C4orf50: variants seen among roughly 807,000 people sequenced by gnomAD.
C4orf50 encodes uncharacterized protein C4orf50.
In C4orf50, 80 loss-of-function variants were observed where a neutral mutation model predicts 77.2. The ratio of observed to expected loss-of-function variants is 1.04; its 90% CI spans 0.87 to 1.25. C4orf50 has a LOEUF of 1.25. Among genes scored for constraint, C4orf50 ranks in the 50% most tolerant of loss-of-function variants. The pLI, the probability that C4orf50 is intolerant of heterozygous loss-of-function variation, is 0.00. For missense variants in C4orf50, 1,257 were observed against 1,152.9 expected, an observed-to-expected ratio of 1.09 and a Z score of -1.31; for synonymous variants, 532 against 465.3, an observed-to-expected ratio of 1.14 and a Z score of -1.84.
intron 7 of C4orf50, among the ~76,000 whole-genome samples, chr4:5,951,204 C>G (rs769925487): frequency 1.9e-4 from 29 of 152,228 alleles, no homozygotes; most frequent in Non-Finnish European, 4.3e-4. Flanking sequence ...TGAGCGTCCT[C>G]TTTACAAACT....
Position 6,011,951 on chromosome 4 carries a change from A to C in C4orf50, c.305T>G (p.Leu102Arg). The C allele has an allele frequency of 2.5e-6, 1 of 399,060 alleles. No homozygotes were observed. Among genetic ancestry groups the C allele is most frequent in the East Asian group, 3.6e-5 (1 of 28,068 alleles). 24.7% of individuals were successfully genotyped at this position (399,060 alleles called of 1,614,324 possible). ...CTTCCGGAGGAGTTTCCTTTCTGAC[A>C]GCTCCAGCTCCTGAATTCTGCAGCA... Residue 102 changes from leucine (L) to arginine (R), a missense_variant, in exon 24 of 34, where the codon CTG becomes CGG. Physicochemically the swap from Leu to Arg is moderately radical, Grantham distance 102. Coordinates refer to ENST00000531445, the Ensembl canonical transcript of C4orf50. The surrounding 1 kb of genome is among the most constrained non-coding windows in gnomAD (Gnocchi z 4.2).
intron 7 of C4orf50, among the ~76,000 whole-genome samples, chr4:5,928,855 T>C (rs1054792066): frequency 6.6e-6 from 1 of 152,188 alleles, no homozygotes; most frequent in African/African-American, 2.4e-5. Flanking sequence ...AAACAAAAAA[T>C]AAGTCAACCT....
chr4:5,948,211 CAATT>C (rs1718562947), intron 7 of C4orf50, among the ~76,000 whole-genome samples: 1 of 152,204 alleles, frequency 6.6e-6, no homozygotes, highest in Non-Finnish European at 1.5e-5. Context: ...TGCGAAAATT[CAATT>C]AACTGAGGAA....
chr4:5,952,603 A>G (rs1718779411), downstream of C4orf50, among the ~76,000 whole-genome samples: 1 of 152,148 alleles, frequency 6.6e-6, no homozygotes, highest in Admixed American at 6.5e-5. The surrounding 1 kb of genome is among the most constrained non-coding windows in gnomAD (Gnocchi z 4.4). Context: ...CCCTTCCCTC[A>G]CCACTTCCCG....
chr4:5,942,583 T>C (rs1297996295), intron 7 of C4orf50, among the ~76,000 whole-genome samples: 1 of 152,246 alleles, frequency 6.6e-6, no homozygotes, highest in East Asian at 1.9e-4. Context: ...TAGTGAAAAC[T>C]TGCTCTATGC....
At chr4:5,924,455 C>T (rs1019401605) in intron 7 of C4orf50, among the ~76,000 whole-genome samples, 7 of 152,146 alleles carry the variant, frequency 4.6e-5, no homozygotes, top group African/African-American at 4.8e-5. Context: ...CCCAGCCTGC[C>T]CCACACCCAG....
chr4:6,016,012 G>C (rs552998102), intron 23 of C4orf50, among the ~76,000 whole-genome samples: 1 of 152,316 alleles, frequency 6.6e-6, no homozygotes, highest in East Asian at 1.9e-4. Flanking sequence ...CTTGCACCCT[G>C]AGCTGCCGGG....
chr4:5,972,533 G>A (rs1391027648), intron 31 of C4orf50, among the ~76,000 whole-genome samples: 12 of 152,208 alleles, frequency 7.9e-5, no homozygotes, highest in Admixed American at 7.9e-4. Context: ...CATGCCTCTT[G>A]GCCTCCAAGC....
At chr4:6,014,283 C>T (rs771915354) in intron 23 of C4orf50, among the ~76,000 whole-genome samples, 3 of 152,020 alleles carry the variant, frequency 2.0e-5, no homozygotes, top group African/African-American at 4.8e-5. Flanking sequence ...ATTACAGACG[C>T]GAGCAACCGG....
chr4:5,994,334 G>A lies in C4orf50; in HGVS notation c.1093+13C>T, dbSNP rs905727453. ...CCGCGACTCGTCCTCCACGCACCGC[G>A]GTACCCGCGCACCTGCTGGGGCCCT... is the stretch of plus-strand genomic sequence containing the variant. On this transcript the variant is annotated intron_variant, in intron 26 of 33. Coordinates refer to ENST00000531445, the Ensembl canonical transcript of C4orf50. 3 of 399,214 alleles carry A rather than the reference G, an allele frequency of 7.5e-6. No individual in the cohort carries two copies. The highest frequency in any genetic ancestry group is 6.3e-4 in the Middle Eastern group (1 of 1,588). 24.7% of individuals were successfully genotyped at this position (399,214 alleles called of 1,614,324 possible). A position where few individuals can be genotyped will look rare whatever the true frequency, so the allele number is the denominator to read the frequency against.
At chr4:5,931,102 A>G (rs756271603) in intron 7 of C4orf50, among the ~76,000 whole-genome samples, 14 of 152,184 alleles carry the variant, frequency 9.2e-5, no homozygotes, top group Admixed American at 2.6e-4. Flanking sequence ...CCTGCAGGTC[A>G]CTGGAATCCA....
chr4:5,979,070 T>C (rs1379661633), intron 29 of C4orf50, among the ~76,000 whole-genome samples: 1 of 152,246 alleles, frequency 6.6e-6, no homozygotes, highest in Non-Finnish European at 1.5e-5. Flanking sequence ...TAACGAGTTA[T>C]GGGCAAATGA....
At chr4:5,913,482 T>C (rs558012169) in intron 7 of C4orf50, among the ~76,000 whole-genome samples, 1 of 152,216 alleles carries the variant, frequency 6.6e-6, no homozygotes, top group African/African-American at 2.4e-5. Context: ...TCAATTTCCA[T>C]GAGCTTCCTA....
intron 25 of C4orf50, among the ~76,000 whole-genome samples, chr4:5,999,435 G>T (rs1721736157): frequency 6.6e-6 from 1 of 152,198 alleles, no homozygotes; most frequent in East Asian, 1.9e-4. Context: ...GTTGATGAAA[G>T]TCGGCTTTCG....
At chr4:5,964,875 G>T (rs1719479880) in intron 33 of C4orf50, 149 bp downstream of exon 11, 2 of 615,016 alleles carry the variant, frequency 3.3e-6, no homozygotes, top group South Asian at 2.4e-5. Flanking sequence ...GAAACCAGGG[G>T]GCTGTTCGGG....
Position 5,952,019 on chromosome 4 carries a change from T to A in C4orf50, c.*2474+4882A>T, listed in dbSNP as rs1042093788. Among the ~76,000 whole-genome samples, 1 of 152,160 alleles carries A rather than the reference T, an allele frequency of 6.6e-6. No individual in the cohort carries two copies. Among genetic ancestry groups the A allele is most frequent in the Non-Finnish European group, 1.5e-5 (1 of 68,028 alleles). On this transcript the variant is annotated intron_variant, in intron 7 of 7. Transcript: ENST00000324058. The surrounding 1 kb of genome is among the most constrained non-coding windows in gnomAD (Gnocchi z 4.4). Reference sequence around the variant, plus strand: ...AGAATTTGCACTACAGACAGTGAGATAAAATAAAATATGTGCTTGGAAGTG... The same window carrying A: ...AGAATTTGCACTACAGACAGTGAGAAAAAATAAAATATGTGCTTGGAAGTG...
intron 7 of C4orf50, among the ~76,000 whole-genome samples, chr4:5,942,108 G>T (rs572164527): frequency 2.0e-5 from 3 of 152,334 alleles, no homozygotes; most frequent in South Asian, 2.1e-4. Flanking sequence ...GGAAGCTTTA[G>T]GGAGAGGTAG....
intron 25 of C4orf50, among the ~76,000 whole-genome samples, chr4:5,998,478 CA>C (rs1721692611): frequency 1.3e-5 from 2 of 152,212 alleles, no homozygotes; most frequent in African/African-American, 4.8e-5. Flanking sequence ...ATTCACCCAG[CA>C]ACAAAGAGAT....
intron 28 of C4orf50, among the ~76,000 whole-genome samples, chr4:5,981,247 C>T (rs1720566240): frequency 6.6e-6 from 1 of 152,056 alleles, no homozygotes; most frequent in African/African-American, 2.4e-5. Flanking sequence ...ATATACGCAG[C>T]CTCCTGTGGC....
Sources: gnomAD v4.1 joint callset for allele counts (sites outside exome capture counted in the v4.1 genomes callset) on GRCh38, gnomAD v4.1.1 for gene constraint, Gnocchi (gnomAD v3.1) non-coding constraint, MANE v1.5 for transcripts, NCBI Gene and HGNC (gene_info 2026-07-23, HGNC 2026-07-21) for gene names.